Variants in FSTL5 observed in about 807,000 individuals in gnomAD.
The protein encoded by FSTL5 is follistatin like 5, also known as follistatin-related protein 5.
FSTL5 carries 62 observed loss-of-function variants against 89.1 expected under a neutral mutation model. That is an observed-to-expected ratio of 0.70 (90% CI 0.57 to 0.86). FSTL5 has a LOEUF of 0.86. Ranked by LOEUF, FSTL5 falls within the 40% of genes least tolerant of loss-of-function variation. The pLI, the probability that FSTL5 is intolerant of heterozygous loss-of-function variation, is 0.00. For missense variants in FSTL5, 1,057 were observed against 1,001.6 expected (o/e 1.06, Z -0.75); for synonymous variants, 383 against 346.2 (o/e 1.11, Z -1.18).
chr4:161,743,928 AT>A (rs1430204899), intron 6 of FSTL5, among the ~76,000 whole-genome samples: 2 of 152,178 alleles, frequency 1.3e-5, no homozygotes, highest in Admixed American at 1.3e-4. Context: ...ATGTAGCAGA[AT>A]TTTTAGATTC....
intron 3 of FSTL5, among the ~76,000 whole-genome samples, chr4:161,969,615 C>A (rs986010): frequency 1.3e-5 from 2 of 151,834 alleles, no homozygotes; most frequent in East Asian, 3.9e-4. Context: ...AAAACAAAAA[C>A]GAACTCATCC....
intron 4 of FSTL5, among the ~76,000 whole-genome samples, chr4:161,784,094 C>T (rs956514451): frequency 1.3e-5 from 2 of 151,804 alleles, no homozygotes; most frequent in African/African-American, 2.4e-5. Flanking sequence ...TGCCACCATG[C>T]CAGGCTAATT....
At chr4:161,506,871 CTAAA>C (rs1382808914) in intron 11 of FSTL5, among the ~76,000 whole-genome samples, 1 of 151,962 alleles carries the variant, frequency 6.6e-6, no homozygotes, top group East Asian at 1.9e-4. Context: ...GTTAGTCAAA[CTAAA>C]TAGTGATTTA....
chr4:161,922,274 C>T (rs942895221), intron 3 of FSTL5, among the ~76,000 whole-genome samples: 17 of 151,778 alleles, frequency 1.1e-4, no homozygotes, highest in Non-Finnish European at 2.1e-4. Flanking sequence ...AAAGATATTT[C>T]CGATGTATCT....
chr4:161,831,673 C>A (rs1280378597), intron 4 of FSTL5, among the ~76,000 whole-genome samples: 1 of 151,676 alleles, frequency 6.6e-6, no homozygotes, highest in East Asian at 1.9e-4. Flanking sequence ...TATTTTTCCA[C>A]AAGATTTTAG....
At chr4:161,673,804 A>G (rs1737203357) in intron 6 of FSTL5, among the ~76,000 whole-genome samples, 1 of 151,938 alleles carries the variant, frequency 6.6e-6, no homozygotes, top group South Asian at 2.1e-4. Context: ...ATATATTTTT[A>G]TATTCATATT....
At chr4:161,863,326 A>G (rs1731976478) in intron 4 of FSTL5, among the ~76,000 whole-genome samples, 2 of 152,230 alleles carry the variant, frequency 1.3e-5, no homozygotes, top group South Asian at 4.1e-4. Flanking sequence ...TATATACAGT[A>G]AAATATTCAT....
chr4:161,635,045 A>C (rs1012438999), intron 7 of FSTL5, among the ~76,000 whole-genome samples: 1 of 152,112 alleles, frequency 6.6e-6, no homozygotes, highest in Admixed American at 6.6e-5. Flanking sequence ...AGCTGAAAAA[A>C]AATCTTGTAA....
At chr4:162,017,751 A>G (rs951241414) in intron 3 of FSTL5, among the ~76,000 whole-genome samples, 1 of 152,180 alleles carries the variant, frequency 6.6e-6, no homozygotes, top group African/African-American at 2.4e-5. Flanking sequence ...TAATATATAA[A>G]GGTTTGATAA....
intron 5 of FSTL5, among the ~76,000 whole-genome samples, chr4:161,767,287 C>T (rs1049333565): frequency 6.6e-6 from 1 of 152,104 alleles, no homozygotes; most frequent in Non-Finnish European, 1.5e-5. Flanking sequence ...TTCTCAAAAC[C>T]ACAAATGTGT....
At chr4:161,400,853 A>G (rs1731159653) in intron 15 of FSTL5, among the ~76,000 whole-genome samples, 1 of 152,098 alleles carries the variant, frequency 6.6e-6, no homozygotes, top group African/African-American at 2.4e-5. Flanking sequence ...CTCTTAGGAC[A>G]TTATGTTATT....
At chr4:161,837,368 T>C (rs921499082) in intron 4 of FSTL5, among the ~76,000 whole-genome samples, 1 of 152,042 alleles carries the variant, frequency 6.6e-6, no homozygotes, top group Non-Finnish European at 1.5e-5. Context: ...TAAAGATACA[T>C]GAAAGCATAA....
intron 3 of FSTL5, among the ~76,000 whole-genome samples, chr4:161,968,518 T>C (rs927621254): frequency 2.6e-5 from 4 of 152,114 alleles, no homozygotes; most frequent in African/African-American, 7.2e-5. Context: ...ATTTTTATCA[T>C]AGAAGAAAAA....
At chr4:161,412,572 C>G (rs1417298291) in intron 15 of FSTL5, among the ~76,000 whole-genome samples, 1 of 152,000 alleles carries the variant, frequency 6.6e-6, no homozygotes, top group Non-Finnish European at 1.5e-5. Flanking sequence ...ATGGGTGCAG[C>G]AAACCAACAT....
intron 2 of FSTL5, among the ~76,000 whole-genome samples, chr4:162,107,811 CT>C (rs1320893447): frequency 2.0e-5 from 3 of 152,050 alleles, no homozygotes; most frequent in African/African-American, 7.2e-5. Flanking sequence ...CCTACCTTTG[CT>C]TTTACCTGCC....
At chr4:161,708,051 A>G (rs575906723) in intron 6 of FSTL5, among the ~76,000 whole-genome samples, 1 of 152,156 alleles carries the variant, frequency 6.6e-6, no homozygotes, top group South Asian at 2.1e-4. Context: ...GTATTACAAT[A>G]TGGAATTTTA....
chr4:161,792,732 C>T (rs1230879231), intron 4 of FSTL5, among the ~76,000 whole-genome samples: 1 of 152,174 alleles, frequency 6.6e-6, no homozygotes, highest in Non-Finnish European at 1.5e-5. Flanking sequence ...CACTCCTGTT[C>T]TCATCCCCTG....
At chr4:162,101,747 C>T (rs1731006111) in intron 2 of FSTL5, among the ~76,000 whole-genome samples, 1 of 152,080 alleles carries the variant, frequency 6.6e-6, no homozygotes, top group African/African-American at 2.4e-5. Flanking sequence ...CCTAAACATG[C>T]CGAATGTCAA....
chr4:161,855,563 A>G (rs1731695229), intron 4 of FSTL5, among the ~76,000 whole-genome samples: 2 of 77,292 alleles, frequency 2.6e-5, no homozygotes, highest in Admixed American at 1.5e-4. Flanking sequence ...CAGGAAATAG[A>G]TAAGTAGGTA....
Sources: gnomAD v4.1 joint callset for allele counts (sites outside exome capture counted in the v4.1 genomes callset) on GRCh38, gnomAD v4.1.1 for gene constraint, MANE v1.5 for transcripts, NCBI Gene and HGNC (gene_info 2026-07-23, HGNC 2026-07-21) for gene names.